KLF12: variants seen among roughly 807,000 people sequenced by gnomAD.
KLF12 encodes the protein Krueppel-like factor 12.
KLF12 carries 9 observed loss-of-function variants against 37.8 expected under a neutral mutation model. The ratio of observed to expected loss-of-function variants is 0.24; its 90% CI spans 0.14 to 0.42. The LOEUF is 0.42. Among genes scored for constraint, KLF12 ranks in the 10% least tolerant of loss-of-function variants. KLF12 has a pLI of 1.00. For missense variants in KLF12, 411 were observed against 516.0 expected, an observed-to-expected ratio of 0.80 and a Z score of 1.97; for synonymous variants, 208 against 202.1, an observed-to-expected ratio of 1.03 and a Z score of -0.25.
the KLF12 span, chr13:74,231,590 C>A: frequency 1.3e-5 from 2 of 152,164 alleles, no homozygotes; most frequent in African/African-American, 4.8e-5. Flanking sequence ...GCCTCCAGCC[C>A]TGACTATCCC....
chr13:74,184,653 A>G, the KLF12 span, among the ~76,000 whole-genome samples: 10 of 152,286 alleles, frequency 6.6e-5, no homozygotes, highest in South Asian at 2.1e-3. Flanking sequence ...GGAAAACTTT[A>G]TAATTATGTA....
chr13:73,868,341 G>T (rs1267111622), intron 3 of KLF12, among the ~76,000 whole-genome samples: 4 of 123,530 alleles, frequency 3.2e-5, no homozygotes, highest in Non-Finnish European at 6.9e-5. Context: ...GGGGGGGGGT[G>T]ATTTCAGTAC....
the KLF12 span, among the ~76,000 whole-genome samples, chr13:74,209,589 G>A: frequency 1.3e-5 from 2 of 150,592 alleles, no homozygotes; most frequent in East Asian, 3.9e-4. Context: ...AAAAATTTGA[G>A]AACTTGGCTA....
chr13:73,916,467 C>G (rs897703722), intron 3 of KLF12, among the ~76,000 whole-genome samples: 1 of 152,142 alleles, frequency 6.6e-6, no homozygotes, highest in African/African-American at 2.4e-5. Context: ...CTGCAAGTAT[C>G]TACCCCACAA....
the KLF12 span, among the ~76,000 whole-genome samples, chr13:74,265,216 G>A: frequency 2.0e-5 from 3 of 152,138 alleles, no homozygotes; most frequent in Admixed American, 1.3e-4. Flanking sequence ...TATTGAAATA[G>A]TCTGCCTGAT....
At chr13:74,031,232 T>G (rs961716661) in intron 1 of KLF12, among the ~76,000 whole-genome samples, 18 of 152,170 alleles carry the variant, frequency 1.2e-4, no homozygotes, top group African/African-American at 3.1e-4. Flanking sequence ...CTATTGACTT[T>G]ATATGTGATT....
chr13:74,176,408 C>T, the KLF12 span, among the ~76,000 whole-genome samples: 2 of 152,172 alleles, frequency 1.3e-5, no homozygotes, highest in Admixed American at 1.3e-4. Flanking sequence ...GAAGACTTCT[C>T]TGTCTAACTT....
chr13:74,107,968 A>G (rs1249899332), intron 1 of KLF12, among the ~76,000 whole-genome samples: 5 of 152,230 alleles, frequency 3.3e-5, no homozygotes, highest in Non-Finnish European at 5.9e-5. Flanking sequence ...TTAGGCTTAT[A>G]TACTGTACAT....
the KLF12 span, among the ~76,000 whole-genome samples, chr13:74,272,387 T>C: frequency 6.6e-6 from 1 of 152,214 alleles, no homozygotes; most frequent in Non-Finnish European, 1.5e-5. Flanking sequence ...TCTGAGAGGA[T>C]GGTATAGCAA....
At chr13:74,216,350 T>C in the KLF12 span, among the ~76,000 whole-genome samples, 2 of 152,128 alleles carry the variant, frequency 1.3e-5, no homozygotes, top group Non-Finnish European at 2.9e-5. Flanking sequence ...AATATTCAAG[T>C]GTTTCATTGG....
chr13:74,104,149 A>G (rs1480580381), intron 1 of KLF12, among the ~76,000 whole-genome samples: 1 of 152,232 alleles, frequency 6.6e-6, no homozygotes, highest in Non-Finnish European at 1.5e-5. Flanking sequence ...TGTTTTGGGG[A>G]CTTGTGAGTC....
rs752694466 is a variant in KLF12, at chr13:73,712,338, C to CAAAAAA, written c.1027+3024_1027+3029dup. Among the ~76,000 whole-genome samples, 247 of 41,960 alleles carry CAAAAAA rather than the reference C, an allele frequency of 5.9e-3. 7 individuals are homozygous for CAAAAAA. The highest frequency in any genetic ancestry group is 0.014 in the African/African-American group (183 of 13,078). 27.5% of individuals were successfully genotyped at this position (41,960 alleles called of 152,430 possible). On this transcript the variant is annotated intron_variant, in intron 7 of 7. Coordinates refer to ENST00000377669, the MANE Select transcript of KLF12 (RefSeq NM_007249.5). ...GGGTAACAAGAGCGAAACTCCATGT[C>CAAAAAA]AAAAAAAAAAAAAAAAAAAAAAGGA...
chr13:73,880,854 C>A (rs1009187876), intron 3 of KLF12, among the ~76,000 whole-genome samples: 2 of 152,020 alleles, frequency 1.3e-5, no homozygotes, highest in Non-Finnish European at 2.9e-5. Flanking sequence ...CTTTGACCTG[C>A]TTAAAGAAAA....
intron 3 of KLF12, among the ~76,000 whole-genome samples, chr13:73,904,469 C>CTTTTTTTTTTTTTTTTTTTTTTT (rs11342071): frequency 2.2e-5 from 2 of 92,030 alleles, no homozygotes; most frequent in African/African-American, 4.5e-5. Flanking sequence ...TCTTTCTTTC[C>CTTTTTTTTTTTTTTTTTTTTTTT]TTTTTTTTTT....
intron 1 of KLF12, among the ~76,000 whole-genome samples, chr13:74,060,484 T>TTGTGTGTGTGTGTGTGTG (rs60242793): frequency 1.1e-4 from 12 of 108,590 alleles, no homozygotes; most frequent in African/African-American, 1.5e-4. Flanking sequence ...TACCTAGGTT[T>TTGTGTGTGTGTGTGTGTG]TGTGTGTGTG....
rs1255438161 is a variant in KLF12, at chr13:73,849,375, T to TCAAAAAAAAAAAAAAAAAAAAAAC, written c.124-3003_124-3002insGTTTTTTTTTTTTTTTTTTTTTTG. Reference sequence around the variant, plus strand: ...GCTTGGGCAACAGAGGGAGACTCCATAAAAAAAAAAAAAAAAAAAAAAAAA... The same window carrying TCAAAAAAAAAAAAAAAAAAAAAAC: ...GCTTGGGCAACAGAGGGAGACTCCATCAAAAAAAAAAAAAAAAAAAAAACAAAAAAAAAAAAAAAAAAAAAAAAA... On this transcript the variant is annotated intron_variant, in intron 3 of 7. Coordinates refer to ENST00000377669, the MANE Select transcript of KLF12 (RefSeq NM_007249.5). Among the ~76,000 whole-genome samples the TCAAAAAAAAAAAAAAAAAAAAAAC allele has an allele frequency of 2.0e-5, 2 of 98,986 alleles. 1 individual carries two copies. The allele number at this position is 98,986 out of a possible 152,430, so 64.9% of individuals were successfully genotyped here. A position where few individuals can be genotyped will look rare whatever the true frequency, so the allele number is the denominator to read the frequency against.
At chr13:73,846,844 C>T (rs1305972736) in intron 3 of KLF12, among the ~76,000 whole-genome samples, 1 of 152,118 alleles carries the variant, frequency 6.6e-6, no homozygotes. Flanking sequence ...GTTCTTCAAC[C>T]TCCCACACCT....
chr13:73,854,767 C>T (rs1444862030), intron 3 of KLF12, among the ~76,000 whole-genome samples: 1 of 152,188 alleles, frequency 6.6e-6, no homozygotes, highest in Non-Finnish European at 1.5e-5. Context: ...TAACATCTAA[C>T]ACAATGTAAA....
intron 2 of KLF12, among the ~76,000 whole-genome samples, chr13:73,946,469 T>C (rs1415525952): frequency 6.6e-6 from 1 of 152,228 alleles, no homozygotes; most frequent in Non-Finnish European, 1.5e-5. Flanking sequence ...GTGTTCCACT[T>C]AACACATTTA....
Sources: allele counts gnomAD v4.1 joint callset (sites outside exome capture counted in the v4.1 genomes callset), GRCh38; gene constraint gnomAD v4.1.1; transcripts MANE v1.5; gene names NCBI Gene and HGNC (gene_info 2026-07-23, HGNC 2026-07-21).